Variants in RARS2 observed in about 807,000 individuals in gnomAD.
RARS2 encodes arginyl-tRNA synthetase 2, mitochondrial.
Under a neutral mutation model 88.5 loss-of-function variants are expected in RARS2, and 67 were observed. That is an observed-to-expected ratio of 0.76 (90% CI 0.62 to 0.93). The LOEUF is 0.93. Among genes scored for constraint, RARS2 ranks in the 40% least tolerant of loss-of-function variants. RARS2 has a pLI of 0.00. For missense variants in RARS2, 664 were observed against 684.2 expected (o/e 0.97, Z 0.33); for synonymous variants, 239 against 230.3 (o/e 1.04, Z -0.34).
intron 2 of RARS2, among the ~76,000 whole-genome samples, chr6:87,567,671 G>C (rs1768326835): frequency 6.6e-6 from 1 of 152,326 alleles, no homozygotes; most frequent in East Asian, 1.9e-4. Flanking sequence ...AATTTATTAT[G>C]GCAAAGCACT....
At chr6:87,546,335 T>C (rs1421779374) in intron 6 of RARS2, among the ~76,000 whole-genome samples, 1 of 152,158 alleles carries the variant, frequency 6.6e-6, no homozygotes, top group Non-Finnish European at 1.5e-5. Context: ...GTCTTCTAGG[T>C]TTGGGCAATC....
At position 87,573,607 on chromosome 6, in the gene RARS2, A is replaced by C. The variant is rs531849462; in HGVS notation, c.37-4017T>G. On this transcript the variant is annotated intron_variant, in intron 1 of 19. Coordinates refer to ENST00000369536, the MANE Select transcript of RARS2 (RefSeq NM_020320.5). ...ATGGTGGTGATGGTTGCACAATGTA[A>C]ATGTACCTAATGCCACTGAACTGTA... Among the ~76,000 whole-genome samples the C allele has an allele frequency of 7.9e-5, 12 of 152,306 alleles. No individual in the cohort carries two copies. In the South Asian group the frequency reaches 2.3e-3, roughly 29 times the overall value.
At chr6:87,585,642 G>T (rs1006485583) in intron 1 of RARS2, among the ~76,000 whole-genome samples, 1 of 152,142 alleles carries the variant, frequency 6.6e-6, no homozygotes, top group African/African-American at 2.4e-5. Context: ...TGAGGTGGGA[G>T]AATGGCGTGA....
intron 5 of RARS2, among the ~76,000 whole-genome samples, chr6:87,548,949 C>T (rs1231705158): frequency 2.0e-5 from 3 of 152,164 alleles, no homozygotes; most frequent in African/African-American, 7.2e-5. Flanking sequence ...CACAATGGCT[C>T]ATGCCTGTAA....
chr6:87,584,309 T>G (rs1425164241), intron 1 of RARS2, among the ~76,000 whole-genome samples: 1 of 152,220 alleles, frequency 6.6e-6, no homozygotes, highest in Non-Finnish European at 1.5e-5. Flanking sequence ...GTCTGATGTT[T>G]TCTGCTACCA....
intron 8 of RARS2, among the ~76,000 whole-genome samples, chr6:87,539,554 C>T (rs1780252495): frequency 6.6e-6 from 1 of 152,180 alleles, no homozygotes; most frequent in African/African-American, 2.4e-5. Context: ...CAAGTTACTT[C>T]CTGCTTCCTT....
intron 1 of RARS2, among the ~76,000 whole-genome samples, chr6:87,584,046 A>G (rs1389515887): frequency 6.6e-6 from 1 of 152,184 alleles, no homozygotes; most frequent in Non-Finnish European, 1.5e-5. Flanking sequence ...GTTCTGGACT[A>G]TCTTTCAAGG....
chr6:87,554,394 T>C (rs1487129912), intron 5 of RARS2, among the ~76,000 whole-genome samples: 1 of 126,320 alleles, frequency 7.9e-6, no homozygotes, highest in East Asian at 2.2e-4. Context: ...GCTATTTTTC[T>C]GGTAATTAAA....
At chr6:87,582,386 T>A (rs1773884965) in intron 1 of RARS2, among the ~76,000 whole-genome samples, 1 of 152,216 alleles carries the variant, frequency 6.6e-6, no homozygotes, top group Admixed American at 6.5e-5. Flanking sequence ...CGAATGTTTG[T>A]GGCCACATAA....
At chr6:87,517,890 G>A (rs772280083) in intron 17 of RARS2, among the ~76,000 whole-genome samples, 4 of 152,130 alleles carry the variant, frequency 2.6e-5, no homozygotes, top group Non-Finnish European at 5.9e-5. Flanking sequence ...AAAAGGTTAT[G>A]CTTTTATAAG....
At chr6:87,528,858 CAG>C (rs752294719) in intron 10 of RARS2, among the ~76,000 whole-genome samples, 50 of 152,242 alleles carry the variant, frequency 3.3e-4, no homozygotes, top group Non-Finnish European at 5.6e-4. Context: ...AAACTGCTAA[CAG>C]GGTAGATTTT....
intron 11 of RARS2, among the ~76,000 whole-genome samples, chr6:87,521,805 T>C (rs1773938900): frequency 1.3e-5 from 2 of 152,158 alleles, no homozygotes; most frequent in African/African-American, 2.4e-5. Flanking sequence ...CAAGTAGTAA[T>C]AACAACTAAA....
intron 5 of RARS2, among the ~76,000 whole-genome samples, chr6:87,553,696 C>G (rs879682770): frequency 1.3e-4 from 20 of 152,212 alleles, no homozygotes; most frequent in Non-Finnish European, 2.6e-4. Context: ...GGAGATAAAG[C>G]AGGCAAATTT....
intron 1 of RARS2, among the ~76,000 whole-genome samples, chr6:87,570,413 T>G (rs747737819): frequency 6.6e-6 from 1 of 152,040 alleles, no homozygotes; most frequent in Non-Finnish European, 1.5e-5. Context: ...GACATTCCCA[T>G]GTACTGAATG....
chr6:87,563,067 ACT>A (rs1788350721), intron 3 of RARS2, among the ~76,000 whole-genome samples: 1 of 151,852 alleles, frequency 6.6e-6, no homozygotes, highest in Non-Finnish European at 1.5e-5. Flanking sequence ...AAGAAAAATC[ACT>A]CTACCCATAT....
chr6:87,542,639 A>T (rs553857475), intron 7 of RARS2, among the ~76,000 whole-genome samples: 1 of 150,682 alleles, frequency 6.6e-6, no homozygotes, highest in African/African-American at 2.4e-5. Flanking sequence ...GGATAGTGTT[A>T]ATTTGAACCT....
At chr6:87,519,396 T>G (rs757471748) in intron 14 of RARS2, among the ~76,000 whole-genome samples, 187 bp downstream of exon 14, 1 of 152,050 alleles carries the variant, frequency 6.6e-6, no homozygotes, top group African/African-American at 2.4e-5. Context: ...TTCAGATTAT[T>G]GAAGTGACCA....
chr6:87,532,289 T>C (rs182332326), intron 8 of RARS2, among the ~76,000 whole-genome samples: 3 of 152,220 alleles, frequency 2.0e-5, no homozygotes, highest in Non-Finnish European at 4.4e-5. Context: ...GCTTGCAAGG[T>C]TGGCCACTGG....
At chr6:87,557,954 T>A (rs1786528166) in intron 4 of RARS2, among the ~76,000 whole-genome samples, 1 of 152,002 alleles carries the variant, frequency 6.6e-6, no homozygotes, top group Admixed American at 6.5e-5. Context: ...GGCAGAAGGA[T>A]CACCTGAGGA....
Sources: gnomAD v4.1 joint callset for allele counts (sites outside exome capture counted in the v4.1 genomes callset) on GRCh38, gnomAD v4.1.1 for gene constraint, MANE v1.5 for transcripts, NCBI Gene and HGNC (gene_info 2026-07-23, HGNC 2026-07-21) for gene names.